TSPAN32: variants seen among roughly 807,000 people sequenced by gnomAD.
TSPAN32 encodes the protein tetraspanin-32.
TSPAN32 carries 47 observed loss-of-function variants against 42.7 expected under a neutral mutation model. That is an observed-to-expected ratio of 1.10 (90% confidence interval 0.87 to 1.40). The LOEUF is 1.40. Ranked by LOEUF, TSPAN32 falls within the 40% of genes most tolerant of loss-of-function variation. TSPAN32 has a pLI of 0.00. For synonymous variants in TSPAN32, 175 were observed against 175.9 expected (o/e 0.99, Z 0.04); for missense variants, 469 against 424.1 (o/e 1.11, Z -0.93).
chr11:2,309,553 C>A, intron 4 of TSPAN32: 1 of 352,410 alleles, frequency 2.8e-6, no homozygotes, highest in South Asian at 2.0e-5. Flanking sequence ...GGGACAGCCA[C>A]GGGCAGGGTC....
chr11:2,303,255 G>T (rs1010206451), intron 2 of TSPAN32, among the ~76,000 whole-genome samples: 8 of 152,008 alleles, frequency 5.3e-5, no homozygotes, highest in African/African-American at 1.7e-4. Context: ...ACCTGGCTCT[G>T]TGCAGTCAGG....
At chr11:2,309,287 G>T in intron 4 of TSPAN32, 1 of 456,594 alleles carries the variant, frequency 2.2e-6, no homozygotes, top group Non-Finnish European at 4.6e-6. Context: ...CCGCGGACTG[G>T]GGTGTCGCAG....
chr11:2,304,191 G>A lies in TSPAN32; in HGVS notation c.266G>A (p.Gly89Asp), dbSNP rs1329132594. 5 of 1,578,178 alleles carry A rather than the reference G, an allele frequency of 3.2e-6. No homozygotes were observed. In the East Asian group the frequency reaches 1.2e-4, roughly 36 times the overall value. Residue 89 changes from glycine (G) to aspartate (D), a missense_variant, in exon 3 of 10, where the codon GGC becomes GAC. Coordinates refer to ENST00000182290, the MANE Select transcript of TSPAN32 (RefSeq NM_139022.3). This position sits in a 1 kb window ranked among gnomAD's most constrained non-coding sequence, Gnocchi z 4.8. ...SAAATVREAQ[G>D]LMAGGFLCFS... ...GCAGCCACCGTGAGGGAGGCCCAGGGCCTCATGGCAGGGGTGAGTTCATTG... is the reference window on the plus strand; with the variant it reads ...GCAGCCACCGTGAGGGAGGCCCAGGACCTCATGGCAGGGGTGAGTTCATTG...
In TSPAN32 at chr11:2,304,238, C is replaced by G. The variant is rs200117705; in HGVS notation, c.279+34C>G. On this transcript the variant is annotated intron_variant, in intron 3 of 9. Coordinates refer to ENST00000182290, the MANE Select transcript of TSPAN32 (RefSeq NM_139022.3). The surrounding 1 kb of genome is among the most constrained non-coding windows in gnomAD (Gnocchi z 4.8). ...ATTGTGTTCCCAGATGCCCAGGCCC[C>G]CAGAAAAGAATTAGAAAGGAGTGAA... 25 of 1,438,862 alleles carry G rather than the reference C, an allele frequency of 1.7e-5. No homozygotes were observed. In the East Asian group the frequency reaches 5.3e-4, roughly 31 times the overall value. 89.1% of individuals were successfully genotyped at this position (1,438,862 alleles called of 1,614,324 possible).
Position 2,317,292 on chromosome 11 carries a change from A to G in TSPAN32, c.720-52A>G. 1 of 1,430,058 alleles carries G rather than the reference A, an allele frequency of 7.0e-7. No individual in the cohort carries two copies. The allele number at this position is 1,430,058 out of a possible 1,614,324, so 88.6% of individuals were successfully genotyped here. ...CTAGAACATTCCACAATAGCCTCAC[A>G]GGTCCCCTGTAGAACATTCCACCAC... On this transcript the variant is annotated intron_variant, in intron 8 of 9. Transcript: ENST00000182290. The surrounding 1 kb of genome is among the most constrained non-coding windows in gnomAD (Gnocchi z 6.2).
chr11:2,302,578 A>T (rs1387569368), intron 1 of TSPAN32: 1 of 553,936 alleles, frequency 1.8e-6, no homozygotes, highest in Admixed American at 3.3e-5. Flanking sequence ...CTCCGTAGAC[A>T]CAATGATCAG....
In TSPAN32 at chr11:2,312,121, G is replaced by A. The variant is rs1054827388; in HGVS notation, c.355-1533G>A. ...GCCACTAGCAGGAGTTGTCACTCTCGCCCATGCTGTGGTAATAATGACACC... is the reference window on the plus strand; with the variant it reads ...GCCACTAGCAGGAGTTGTCACTCTCACCCATGCTGTGGTAATAATGACACC... On this transcript the variant is annotated intron_variant, in intron 4 of 9. Transcript: ENST00000182290. Among the ~76,000 whole-genome samples the A allele has an allele frequency of 3.3e-5, 5 of 152,158 alleles. No individual in the cohort carries two copies. The East Asian group carries it at 7.8e-4, about 24-fold the overall frequency.
In TSPAN32 at chr11:2,313,031, T is replaced by G. The variant is rs940529263; in HGVS notation, c.355-623T>G. On this transcript the variant is annotated intron_variant, in intron 4 of 9. Coordinates refer to ENST00000182290, the MANE Select transcript of TSPAN32 (RefSeq NM_139022.3). The surrounding 1 kb of genome is among the most constrained non-coding windows in gnomAD (Gnocchi z 9.1). ...ACATGAGGTCCAGGTGTTGGTGAGG[T>G]GTGGAGCGCAGGCAGCACATCCAGC... 1.3e-5 allele frequency among the ~76,000 whole-genome samples: 2 copies of G among 151,962 alleles called. No individual in the cohort carries two copies. The highest frequency in any genetic ancestry group is 2.4e-5 in the African/African-American group (1 of 41,380).
rs372594309 is a variant in TSPAN32 at position 2,302,090 on chromosome 11, C to A, written c.-60C>A. 18 of 1,486,074 alleles carry A rather than the reference C, an allele frequency of 1.2e-5. No individual in the cohort carries two copies. The highest frequency in any genetic ancestry group is 1.4e-5 in the South Asian group (1 of 69,760). 92.1% of individuals were successfully genotyped at this position (1,486,074 alleles called of 1,614,324 possible). ...AGTGAGCTGCGGTCTGAGGCCCCTG[C>A]CCAGCTGGAAACCACAGGGAGGGGA... On this transcript the variant is annotated 5_prime_UTR_variant, in exon 1 of 10. Coordinates refer to ENST00000182290, the MANE Select transcript of TSPAN32 (RefSeq NM_139022.3).
Position 2,313,864 on chromosome 11 carries a change from G to A in TSPAN32, c.456+109G>A. The A allele has an allele frequency of 1.1e-6, 1 of 886,992 alleles. No individual in the cohort carries two copies. Among genetic ancestry groups the A allele is most frequent in the South Asian group, 1.6e-5 (1 of 62,798 alleles). The allele number at this position is 886,992 out of a possible 1,614,324, so 54.9% of individuals were successfully genotyped here. On this transcript the variant is annotated intron_variant, in intron 5 of 9. Coordinates refer to ENST00000182290, the MANE Select transcript of TSPAN32 (RefSeq NM_139022.3). The surrounding 1 kb of genome is among the most constrained non-coding windows in gnomAD (Gnocchi z 9.1). ...AGAGGTCTGGCCAGGCACCGAGGGG[G>A]TTCCAGGACACAGGCCAGAGTTGCC...
chr11:2,306,164 G>A lies in TSPAN32; in HGVS notation c.279+1960G>A, dbSNP rs149442130. Among the ~76,000 whole-genome samples, 86 of 152,118 alleles carry A rather than the reference G, an allele frequency of 5.7e-4. 1 individual carries two copies. The East Asian group carries it at 0.013, about 24-fold the overall frequency. ...GGCACATCTGTATGTGTGTCTGCAC[G>A]CATGAGCACAAGTGAAGGGGCTAGG... On this transcript the variant is annotated intron_variant, in intron 3 of 9. Transcript: ENST00000182290.
intron 6 of TSPAN32, 144 bp downstream of exon 6, chr11:2,314,715 G>A: frequency 1.5e-6 from 1 of 668,096 alleles, no homozygotes; most frequent in South Asian, 1.8e-5. Flanking sequence ...AGGGCTCAGG[G>A]AAGGTTCTGA....
chr11:2,307,648 G>A (rs1848198248), intron 3 of TSPAN32, among the ~76,000 whole-genome samples: 1 of 152,190 alleles, frequency 6.6e-6, no homozygotes, highest in African/African-American at 2.4e-5. Context: ...GGTCTCTCGT[G>A]TTCCTTAGCT....
intron 3 of TSPAN32, among the ~76,000 whole-genome samples, chr11:2,306,580 A>C (rs1011864769): frequency 8.6e-5 from 13 of 150,960 alleles, no homozygotes; most frequent in South Asian, 2.1e-4. Context: ...AAAGAGAGAG[A>C]GAGGCCGTGG....
At position 2,302,913 on chromosome 11, in the gene TSPAN32, C is replaced by T. The variant is rs559404880; in HGVS notation, c.136C>T (p.Arg46Ter). ...CGGGGCCCACTTTGCTGTCATCCGCCGAGCGTCCCTGGAGAAGAACCCGTA... is the reference window on the plus strand; with the variant it reads ...CGGGGCCCACTTTGCTGTCATCCGCTGAGCGTCCCTGGAGAAGAACCCGTA... ...YFGAHFAVIR[R>*]ASLEKNPYQA... The change falls in exon 2 of 10, where the codon CGA becomes TGA. Residue 46 changes from arginine to a stop codon, truncating the protein, a stop_gained. Transcript: ENST00000182290. LOFTEE classifies it high-confidence loss of function. 258 of 1,613,722 alleles carry T rather than the reference C, an allele frequency of 1.6e-4. No individual in the cohort carries two copies. In the South Asian group the frequency reaches 2.6e-3, roughly 16 times the overall value.
intron 6 of TSPAN32, chr11:2,314,913 G>C: frequency 2.8e-6 from 1 of 360,798 alleles, no homozygotes; most frequent in Admixed American, 4.2e-5. Flanking sequence ...CTCTTGGAGT[G>C]CACCCATGAG....
At chr11:2,303,615 G>A in intron 2 of TSPAN32, 1 of 165,816 alleles carries the variant, frequency 6.0e-6, no homozygotes, top group South Asian at 1.3e-4. Flanking sequence ...GGCCCAGGAG[G>A]TCAGGGATAC....
intron 3 of TSPAN32, among the ~76,000 whole-genome samples, chr11:2,307,707 C>T (rs1036935303): frequency 8.5e-5 from 13 of 152,126 alleles, no homozygotes; most frequent in East Asian, 3.9e-4. Flanking sequence ...GAGAGAACAA[C>T]GGGCAAGTGC....
At chr11:2,308,701 G>T (rs1295328879) in intron 3 of TSPAN32, 35 bp from the exon 4 acceptor site, 1 of 1,244,744 alleles carries the variant, frequency 8.0e-7, no homozygotes, top group Non-Finnish European at 1.1e-6. Flanking sequence ...GCAGTGACCA[G>T]CCCTCAACAG....
Sources: gnomAD v4.1 joint callset for allele counts (sites outside exome capture counted in the v4.1 genomes callset) on GRCh38, gnomAD v4.1.1 for gene constraint, Gnocchi (gnomAD v3.1) non-coding constraint, MANE v1.5 for transcripts, NCBI Gene and HGNC (gene_info 2026-07-23, HGNC 2026-07-21) for gene names.